ALLC: variants seen among roughly 807,000 people sequenced by gnomAD.
The protein encoded by ALLC is probable inactive allantoicase.
ALLC carries 40 observed loss-of-function variants against 45.0 expected under a neutral mutation model. The observed-to-expected ratio is 0.89, with a 90% confidence interval of 0.69 to 1.16. The LOEUF (loss-of-function observed/expected upper bound fraction) is 1.16. Ranked by LOEUF, ALLC falls within the 50% of genes most tolerant of loss-of-function variation. ALLC has a pLI of 0.00. For missense variants in ALLC, 488 were observed against 493.1 expected (o/e 0.99, Z 0.10); for synonymous variants, 176 against 178.1 (o/e 0.99, Z 0.09).
At position 3,680,038 on chromosome 2, in the gene ALLC, C is replaced by T. The variant is rs747004992; in HGVS notation, c.298+44C>T. On this transcript the variant is annotated intron_variant, in intron 5 of 11. Transcript: ENST00000252505. The surrounding 1 kb of genome is among the most constrained non-coding windows in gnomAD (Gnocchi z 4.0). Reference sequence around the variant, plus strand: ...TCCCCAAAATGAGAATTATGGGTCACATGGCTCCTCTGGCCAGCCACAGCC... The same window carrying T: ...TCCCCAAAATGAGAATTATGGGTCATATGGCTCCTCTGGCCAGCCACAGCC... 45 of 1,609,478 alleles carry T rather than the reference C, an allele frequency of 2.8e-5. No homozygotes were observed. Among genetic ancestry groups the T allele is most frequent in the Non-Finnish European group, 3.7e-5 (43 of 1,176,504 alleles).
chr2:3,682,729 G>T (rs192639049), intron 6 of ALLC, among the ~76,000 whole-genome samples: 89 of 152,248 alleles, frequency 5.8e-4, no homozygotes, highest in Non-Finnish European at 9.8e-4. Flanking sequence ...GTTTCACCGT[G>T]TTAGCCAGGA....
At chr2:3,650,330 C>T in the ALLC span, among the ~76,000 whole-genome samples, 11 of 152,206 alleles carry the variant, frequency 7.2e-5, no homozygotes, top group East Asian at 1.2e-3. Context: ...ACAGGGCTCT[C>T]GGGGCAGCCA....
intron 4 of ALLC, among the ~76,000 whole-genome samples, chr2:3,678,992 C>T (rs1255925488): frequency 5.9e-5 from 9 of 152,128 alleles, no homozygotes; most frequent in East Asian, 1.9e-4. Flanking sequence ...GGGGACTGGG[C>T]CAGGGTCTGT....
At chr2:3,702,013 G>A (rs1667859594) in intron 11 of ALLC, among the ~76,000 whole-genome samples, 1 of 152,192 alleles carries the variant, frequency 6.6e-6, no homozygotes, top group African/African-American at 2.4e-5. Flanking sequence ...CAGGCTAGAG[G>A]TGAGAGCTGC....
intron 5 of ALLC, 105 bp from the exon 6 acceptor site, chr2:3,681,529 T>C (rs1005092837): frequency 1.1e-5 from 8 of 699,942 alleles, no homozygotes; most frequent in Non-Finnish European, 1.9e-5. Context: ...GAAATATCTT[T>C]AGTGTTATTT....
In ALLC at chr2:3,683,926, A is replaced by G. The variant is rs555597212; in HGVS notation, c.511+852A>G. 3.3e-5 allele frequency among the ~76,000 whole-genome samples: 5 copies of G among 152,294 alleles called. No homozygotes were observed. The South Asian group carries it at 6.2e-4, about 19-fold the overall frequency. ...AAATATTTAAAAAAACTGAAATCCA[A>G]ACACTTCTGGTCTCAAGCATTTCAG... On this transcript the variant is annotated intron_variant, in intron 7 of 11. Transcript: ENST00000252505.
At chr2:3,694,050 A>G (rs1667593488) in intron 7 of ALLC, among the ~76,000 whole-genome samples, 1 of 152,222 alleles carries the variant, frequency 6.6e-6, no homozygotes, top group African/African-American at 2.4e-5. Flanking sequence ...CAACAAAAGT[A>G]TTTTGGTAGA....
intron 6 of ALLC, 148 bp downstream of exon 6, chr2:3,681,861 C>G (rs552931498): frequency 1.6e-6 from 1 of 606,764 alleles, no homozygotes; most frequent in African/African-American, 1.9e-5. Flanking sequence ...TGTGGCCTTG[C>G]AAACGTCTCA....
the ALLC span, among the ~76,000 whole-genome samples, chr2:3,652,285 C>T: frequency 6.6e-6 from 1 of 152,374 alleles, no homozygotes; most frequent in East Asian, 1.9e-4. Flanking sequence ...CACTAGCTTC[C>T]TGTGCAGAGC....
chr2:3,646,821 C>T, the ALLC span, among the ~76,000 whole-genome samples: 3 of 152,314 alleles, frequency 2.0e-5, no homozygotes, highest in Admixed American at 6.5e-5. Context: ...CCGTTTCTGA[C>T]TCTGTCAGAC....
chr2:3,700,393 A>G (rs1667793432), intron 10 of ALLC, among the ~76,000 whole-genome samples: 1 of 152,140 alleles, frequency 6.6e-6, no homozygotes, highest in Non-Finnish European at 1.5e-5. Flanking sequence ...ACATACTTGC[A>G]TTTTTTATGG....
At chr2:3,702,196 A>G (rs1351514432) in intron 11 of ALLC, among the ~76,000 whole-genome samples, 167 bp from the exon 12 acceptor site, 1 of 152,168 alleles carries the variant, frequency 6.6e-6, no homozygotes, top group Admixed American at 6.5e-5. Context: ...TGGGCATCCT[A>G]TCCCTACTAG....
the ALLC span, among the ~76,000 whole-genome samples, chr2:3,650,062 T>A: frequency 6.6e-6 from 1 of 152,262 alleles, no homozygotes; most frequent in African/African-American, 2.4e-5. Context: ...GGAGCCGTCA[T>A]CTGTGGGTCT....
rs561651051 is a variant in ALLC at position 3,666,703 on chromosome 2, C to T, written c.-62-4393C>T. On this transcript the variant is annotated intron_variant, in intron 1 of 11. Coordinates refer to ENST00000252505, the MANE Select transcript of ALLC (RefSeq NM_018436.4). Reference sequence around the variant, plus strand: ...GATGCTGCTACGAGCTCTGTGAAGACGCGATTTTAATTCCAGCCAGTCGGT... The same window carrying T: ...GATGCTGCTACGAGCTCTGTGAAGATGCGATTTTAATTCCAGCCAGTCGGT... Among the ~76,000 whole-genome samples, 44 of 152,350 alleles carry T rather than the reference C, an allele frequency of 2.9e-4. No homozygotes were observed. The Middle Eastern group carries it at 0.017, about 59-fold the overall frequency.
intron 10 of ALLC, among the ~76,000 whole-genome samples, chr2:3,698,186 A>G (rs1194640719): frequency 6.6e-6 from 1 of 152,076 alleles, no homozygotes; most frequent in Non-Finnish European, 1.5e-5. Flanking sequence ...GCTGGTCTTG[A>G]ACTCCTGACC....
At chr2:3,647,165 CA>C in the ALLC span, among the ~76,000 whole-genome samples, 1 of 152,128 alleles carries the variant, frequency 6.6e-6, no homozygotes, top group African/African-American at 2.4e-5. Context: ...TGTGATGACA[CA>C]GGGACCATGT....
chr2:3,651,321 GT>G, the ALLC span, among the ~76,000 whole-genome samples: 13 of 1,714 alleles, frequency 7.6e-3, no homozygotes, highest in African/African-American at 0.01. Flanking sequence ...GGTGGGGGGG[GT>G]GTGTGTGTGT....
Position 3,677,605 on chromosome 2 carries a change from G to A in ALLC, c.85-863G>A, listed in dbSNP as rs546615173. 2.4e-3 allele frequency among the ~76,000 whole-genome samples: 370 copies of A among 152,300 alleles called. 3 individuals are homozygous for A. The highest frequency in any genetic ancestry group is 8.3e-3 in the African/African-American group (343 of 41,568). ...ACTGAGGCACAGGAAGGTGGGTACC[G>A]TTGGCCACGGGTCCCCTGCCTGGGA... On this transcript the variant is annotated intron_variant, in intron 3 of 11. Coordinates refer to ENST00000252505, the MANE Select transcript of ALLC (RefSeq NM_018436.4).
chr2:3,664,476 A>C (rs1315197939), intron 1 of ALLC, among the ~76,000 whole-genome samples: 1 of 152,220 alleles, frequency 6.6e-6, no homozygotes, highest in South Asian at 2.1e-4. Context: ...CCTGTTCTCT[A>C]GAGAAGCTTG....
Sources: gnomAD v4.1 joint callset for allele counts (sites outside exome capture counted in the v4.1 genomes callset) on GRCh38, gnomAD v4.1.1 for gene constraint, Gnocchi (gnomAD v3.1) non-coding constraint, MANE v1.5 for transcripts, NCBI Gene and HGNC (gene_info 2026-07-23, HGNC 2026-07-21) for gene names.